TECPR2: variants seen among roughly 807,000 people sequenced by gnomAD.
TECPR2 encodes the protein tectonin beta-propeller repeat-containing protein 2.
In TECPR2, 65 loss-of-function variants were observed where a neutral mutation model predicts 138.1. That is an observed-to-expected ratio of 0.47 (90% CI 0.39 to 0.58). TECPR2 has a LOEUF of 0.58. TECPR2 is among the 20% of genes least tolerant of loss of function. TECPR2 has a pLI of 0.00. For missense variants in TECPR2, 1,553 were observed against 1,824.5 expected (o/e 0.85, Z 2.71); for synonymous variants, 746 against 749.8 (o/e 0.99, Z 0.08).
At chr14:102,466,283 C>T (rs950229185) in intron 17 of TECPR2, among the ~76,000 whole-genome samples, 2 of 152,158 alleles carry the variant, frequency 1.3e-5, no homozygotes, top group African/African-American at 2.4e-5. Context: ...GGAGGCTTCT[C>T]GTCCTCCTTG....
intron 5 of TECPR2, among the ~76,000 whole-genome samples, chr14:102,418,266 T>A (rs1889082799): frequency 6.6e-6 from 1 of 152,218 alleles, no homozygotes; most frequent in African/African-American, 2.4e-5. Flanking sequence ...GCCAAGCCTC[T>A]GCCCTGCTCC....
chr14:102,433,021 AG>A (rs1387889241), intron 8 of TECPR2, among the ~76,000 whole-genome samples: 7 of 151,330 alleles, frequency 4.6e-5, no homozygotes, highest in Admixed American at 3.3e-4. Flanking sequence ...AAAAAAAAAA[AG>A]TGTTGGTTTA....
chr14:102,430,740 C>T (rs1389121868), intron 7 of TECPR2, among the ~76,000 whole-genome samples: 1 of 152,200 alleles, frequency 6.6e-6, no homozygotes, highest in Non-Finnish European at 1.5e-5. Flanking sequence ...CAGGTACTCA[C>T]ATGCCTGTTC....
At position 102,414,621 on chromosome 14, in the gene TECPR2, G is replaced by A. The variant is rs1190746335; in HGVS notation, c.481-15G>A. ...CTGGCGCTGATGTGAGGTGTAACCA[G>A]ACTTTCTCTGCCAGGGGCTCTGTAA... On this transcript the variant is annotated splice_polypyrimidine_tract_variant and intron_variant, in intron 4 of 19. Coordinates refer to ENST00000359520, the MANE Select transcript of TECPR2 (RefSeq NM_014844.5). The A allele has an allele frequency of 2.5e-6, 4 of 1,613,764 alleles. No individual in the cohort carries two copies. The highest frequency in any genetic ancestry group is 3.4e-6 in the Non-Finnish European group (4 of 1,179,922).
At chr14:102,417,955 G>A (rs529684434) in intron 5 of TECPR2, among the ~76,000 whole-genome samples, 14 of 152,128 alleles carry the variant, frequency 9.2e-5, no homozygotes, top group Middle Eastern at 3.4e-3. Context: ...CAGGGGAGCC[G>A]CAGGGAGGCT....
intron 17 of TECPR2, among the ~76,000 whole-genome samples, chr14:102,486,634 C>A (rs776548201): frequency 1.3e-5 from 2 of 152,178 alleles, no homozygotes; most frequent in Non-Finnish European, 2.9e-5. Context: ...GTCTTCGGGC[C>A]AGTGAGGACA....
chr14:102,468,121 C>T (rs1377679390), intron 17 of TECPR2, among the ~76,000 whole-genome samples: 1 of 151,928 alleles, frequency 6.6e-6, no homozygotes, highest in Non-Finnish European at 1.5e-5. Context: ...GCTTGGATTA[C>T]AGGCGTGTGC....
At chr14:102,375,646 T>G (rs8012929) in intron 1 of TECPR2, among the ~76,000 whole-genome samples, 6,071 of 152,180 alleles carry the variant, frequency 0.04, 138 homozygotes, top group Middle Eastern at 0.088. Flanking sequence ...ATGCAAGAAG[T>G]TTCTGTGAGA....
intron 15 of TECPR2, 35 bp from the exon 16 acceptor site, chr14:102,452,359 A>C (rs1890165778): frequency 6.3e-7 from 1 of 1,588,452 alleles, no homozygotes; most frequent in African/African-American, 1.3e-5. Context: ...TGGTGCAGAC[A>C]ACACCTCGAT....
chr14:102,431,297 C>T (rs1889464524), intron 7 of TECPR2, among the ~76,000 whole-genome samples: 1 of 149,560 alleles, frequency 6.7e-6, no homozygotes, highest in African/African-American at 2.5e-5. Context: ...AGAACAAAAA[C>T]TGTTTCTTAG....
intron 2 of TECPR2, among the ~76,000 whole-genome samples, chr14:102,394,394 G>C (rs1041672841): frequency 1.3e-5 from 2 of 152,112 alleles, no homozygotes; most frequent in Non-Finnish European, 2.9e-5. Flanking sequence ...CTGGAGTCCA[G>C]GAGTTTGAGA....
At chr14:102,441,336 C>G (rs1889824364) in intron 11 of TECPR2, among the ~76,000 whole-genome samples, 1 of 150,404 alleles carries the variant, frequency 6.6e-6, no homozygotes, top group Non-Finnish European at 1.5e-5. Context: ...TCCCAAAGTG[C>G]TGGGATTACA....
At chr14:102,428,171 C>A in intron 6 of TECPR2, 79 bp from the exon 7 acceptor site, 1 of 1,444,480 alleles carries the variant, frequency 6.9e-7, no homozygotes, top group Non-Finnish European at 9.1e-7. Context: ...GACTCTCACA[C>A]ATGCATTTTT....
rs756191024 is a variant in TECPR2, at chr14:102,434,802, A to G, written c.1985A>G (p.Gln662Arg). The change falls in exon 9 of 20, where the codon CAG (glutamine) becomes CGG (arginine). Residue 662 changes from glutamine to arginine, a missense_variant. Coordinates refer to ENST00000359520, the MANE Select transcript of TECPR2 (RefSeq NM_014844.5). The part of the protein sequence containing the change: ...SSLSWAPSAE[Q>R]WLPGTRADEG... ...CTCAGCTGGGCCCCAAGTGCTGAAC[A>G]GTGGCTGCCTGGGACCAGAGCTGAT... 10 of 1,613,414 alleles carry G rather than the reference A, an allele frequency of 6.2e-6. No individual in the cohort carries two copies. The South Asian group carries it at 1.1e-4, about 18-fold the overall frequency.
chr14:102,403,039 A>G (rs891096267), intron 2 of TECPR2, among the ~76,000 whole-genome samples: 4 of 152,214 alleles, frequency 2.6e-5, no homozygotes, highest in African/African-American at 7.2e-5. Context: ...AATTCACTCT[A>G]TGAGGCCAGA....
intron 17 of TECPR2, among the ~76,000 whole-genome samples, chr14:102,482,652 G>A (rs1440103158): frequency 6.6e-6 from 1 of 152,144 alleles, no homozygotes; most frequent in African/African-American, 2.4e-5. Flanking sequence ...CGGTTCCCAA[G>A]GAAGGGTTCA....
chr14:102,469,128 CA>C (rs201317528), intron 17 of TECPR2, among the ~76,000 whole-genome samples: 1 of 148,976 alleles, frequency 6.7e-6, no homozygotes, highest in African/African-American at 2.5e-5. Context: ...TCAATTTCTG[CA>C]AAAAAAAATA....
chr14:102,449,951 T>C, intron 14 of TECPR2, 82 bp downstream of exon 14: 1 of 1,560,694 alleles, frequency 6.4e-7, no homozygotes, highest in Non-Finnish European at 8.6e-7. Context: ...AGCTTTAAGA[T>C]CTCAACTTGA....
chr14:102,390,121 G>A (rs750950901), intron 2 of TECPR2, among the ~76,000 whole-genome samples: 2 of 152,166 alleles, frequency 1.3e-5, no homozygotes, highest in African/African-American at 2.4e-5. Context: ...CATAAAGAAA[G>A]CTTTGTCAGA....
Sources: allele counts gnomAD v4.1 joint callset (sites outside exome capture counted in the v4.1 genomes callset), GRCh38; gene constraint gnomAD v4.1.1; transcripts MANE v1.5; gene names NCBI Gene and HGNC (gene_info 2026-07-23, HGNC 2026-07-21).